Variants in PARM1 observed in about 807,000 individuals in gnomAD.
PARM1 encodes WSC4, cell wall integrity and stress response component 4 homolog.
PARM1 carries 14 observed loss-of-function variants against 24.6 expected under a neutral mutation model. The ratio of observed to expected loss-of-function variants is 0.57; its 90% CI spans 0.38 to 0.89. The LOEUF is 0.89. Ranked by LOEUF, PARM1 falls within the 40% of genes least tolerant of loss-of-function variation. The pLI is 0.00. For synonymous variants in PARM1, 179 were observed against 156.6 expected (o/e 1.14, Z -1.07); for missense variants, 362 against 380.4 (o/e 0.95, Z 0.40).
chr4:74,935,280 AT>A lies in PARM1; in HGVS notation c.43+1912del, dbSNP rs1253177227. ...AAATGATGAAGCTAATGGACACTGCATTCCCCCTGAAGTTTGTGCCTTTGAA... is the reference window on the plus strand; with the variant it reads ...AAATGATGAAGCTAATGGACACTGCATCCCCCTGAAGTTTGTGCCTTTGAA... On this transcript the variant is annotated intron_variant, in intron 1 of 3. Transcript: ENST00000307428. 5.3e-5 allele frequency among the ~76,000 whole-genome samples: 8 copies of A among 152,300 alleles called. No homozygotes were observed. In the East Asian group the frequency reaches 1.5e-3, roughly 29 times the overall value.
At chr4:75,004,683 T>C (rs932988078) in intron 1 of PARM1, among the ~76,000 whole-genome samples, 1 of 152,100 alleles carries the variant, frequency 6.6e-6, no homozygotes, top group Non-Finnish European at 1.5e-5. Context: ...ACAGTAGGAA[T>C]CCTGTGATCA....
chr4:74,966,831 A>G (rs1384159392), intron 1 of PARM1: 1 of 152,184 alleles, frequency 6.6e-6, no homozygotes, highest in Non-Finnish European at 1.5e-5. Flanking sequence ...TTCACCATCT[A>G]GAGTTTGGCC....
At chr4:74,955,992 T>C (rs1721623160) in intron 1 of PARM1, 1 of 152,254 alleles carries the variant, frequency 6.6e-6, no homozygotes, top group Non-Finnish European at 1.5e-5. Flanking sequence ...GTAGCAAGTA[T>C]GAATTTTAAT....
chr4:74,971,550 C>G (rs905376588), intron 1 of PARM1, among the ~76,000 whole-genome samples: 1 of 152,106 alleles, frequency 6.6e-6, no homozygotes, highest in Non-Finnish European at 1.5e-5. Flanking sequence ...TTGTGTCACT[C>G]TTAAGACTAC....
intron 1 of PARM1, among the ~76,000 whole-genome samples, chr4:74,954,621 A>G (rs571004815): frequency 1.3e-5 from 2 of 152,268 alleles, no homozygotes; most frequent in Admixed American, 1.3e-4. Context: ...CTGATGGCCC[A>G]TTCTAGCATC....
At chr4:74,962,533 G>A (rs1354105136) in intron 1 of PARM1, among the ~76,000 whole-genome samples, 1 of 152,136 alleles carries the variant, frequency 6.6e-6, no homozygotes, top group Non-Finnish European at 1.5e-5. Context: ...ATAACAATGT[G>A]ATCCACCTAT....
At chr4:74,939,994 G>A (rs1202505050) in intron 1 of PARM1, among the ~76,000 whole-genome samples, 3 of 152,118 alleles carry the variant, frequency 2.0e-5, no homozygotes, top group African/African-American at 7.2e-5. Context: ...TTTAGTGCAG[G>A]TGTTAAACAT....
At chr4:75,040,494 T>G (rs183161841) in intron 3 of PARM1, among the ~76,000 whole-genome samples, 2 of 152,332 alleles carry the variant, frequency 1.3e-5, no homozygotes, top group Admixed American at 1.3e-4. Context: ...ATCAGTGAGA[T>G]TTTTGTTTAA....
chr4:74,937,901 G>A (rs921318730), intron 1 of PARM1, among the ~76,000 whole-genome samples: 4 of 152,132 alleles, frequency 2.6e-5, no homozygotes, highest in Non-Finnish European at 5.9e-5. Flanking sequence ...CTCAGATTTA[G>A]TGCAAGAGTC....
chr4:75,037,008 A>C (rs1169274433), intron 3 of PARM1, among the ~76,000 whole-genome samples: 2 of 152,216 alleles, frequency 1.3e-5, no homozygotes, highest in Non-Finnish European at 2.9e-5. Context: ...ATGATAACAT[A>C]AGGAGATTAA....
rs183382962 is a variant in PARM1 at position 74,987,889 on chromosome 4, C to T, written c.44-24536C>T. On this transcript the variant is annotated intron_variant, in intron 1 of 3. Transcript: ENST00000307428. ...CACAAGCAGATAGATCATCAGTGTC[C>T]TTCTGATTCTTGATTGTGTTATTTC... is the stretch of plus-strand genomic sequence containing the variant. Among the ~76,000 whole-genome samples, 293 of 152,272 alleles carry T rather than the reference C, an allele frequency of 1.9e-3. 1 individual carries two copies. Among genetic ancestry groups the T allele is most frequent in the African/African-American group, 6.6e-3 (274 of 41,550 alleles).
chr4:74,955,679 C>T (rs894061561), intron 1 of PARM1, among the ~76,000 whole-genome samples: 1 of 152,166 alleles, frequency 6.6e-6, no homozygotes, highest in Non-Finnish European at 1.5e-5. Flanking sequence ...TCCAACACGT[C>T]GATCACTCTT....
At chr4:75,032,619 G>A (rs1723295076) in intron 2 of PARM1, among the ~76,000 whole-genome samples, 1 of 152,084 alleles carries the variant, frequency 6.6e-6, no homozygotes, top group African/African-American at 2.4e-5. Flanking sequence ...GGTACACCTG[G>A]CATCTCATTT....
intron 1 of PARM1, among the ~76,000 whole-genome samples, chr4:74,973,333 T>A (rs988575731): frequency 6.6e-6 from 1 of 151,888 alleles, no homozygotes; most frequent in Non-Finnish European, 1.5e-5. Flanking sequence ...TATAAAAAAA[T>A]TTCCAACAAA....
intron 1 of PARM1, among the ~76,000 whole-genome samples, chr4:74,973,519 AT>A (rs377248115): frequency 2.1e-5 from 3 of 145,060 alleles, no homozygotes; most frequent in African/African-American, 7.7e-5. Flanking sequence ...AGCTAGAGAC[AT>A]TCGTCTTCTG....
intron 1 of PARM1, among the ~76,000 whole-genome samples, chr4:74,971,788 C>A (rs59470191): frequency 0.21 from 31,252 of 151,968 alleles, 4,015 homozygotes; most frequent in African/African-American, 0.34. Context: ...CCTTTTAATA[C>A]CTTACCTCTG....
chr4:75,020,342 G>T (rs769519233), intron 2 of PARM1, among the ~76,000 whole-genome samples: 1 of 152,044 alleles, frequency 6.6e-6, no homozygotes, highest in Non-Finnish European at 1.5e-5. Flanking sequence ...CATCTTTTCA[G>T]TTCTCTCTCT....
intron 1 of PARM1, among the ~76,000 whole-genome samples, chr4:74,977,680 T>A (rs953394177): frequency 1.3e-5 from 2 of 151,860 alleles, no homozygotes; most frequent in East Asian, 1.9e-4. Flanking sequence ...TTCTTCAAAG[T>A]TGAAATGAAG....
At position 74,978,172 on chromosome 4, in the gene PARM1, C is replaced by T. The variant is rs148520000; in HGVS notation, c.44-34253C>T. 3.4e-4 allele frequency among the ~76,000 whole-genome samples: 52 copies of T among 152,266 alleles called. No homozygotes were observed. In the East Asian group the frequency reaches 9.8e-3, roughly 29 times the overall value. ...CCCCCAATTAAAAGACACAGAATGG[C>T]AAGCTGGATAAAGAGTCAAGACTCA... On this transcript the variant is annotated intron_variant, in intron 1 of 3. Coordinates refer to ENST00000307428, the MANE Select transcript of PARM1 (RefSeq NM_015393.4).
Sources: allele counts gnomAD v4.1 joint callset (sites outside exome capture counted in the v4.1 genomes callset), GRCh38; gene constraint gnomAD v4.1.1; transcripts MANE v1.5; gene names NCBI Gene and HGNC (gene_info 2026-07-23, HGNC 2026-07-21).